The following KCNB2 variants were observed in gnomAD, a reference collection of about 807,000 sequenced individuals.
The protein encoded by KCNB2 is delayed rectifier potassium channel protein.
A neutral mutation model predicts 61.5 loss-of-function variants in KCNB2; 15 were observed. That is an observed-to-expected ratio of 0.24 (90% CI 0.16 to 0.38). KCNB2 has a LOEUF of 0.38. Ranked by LOEUF, KCNB2 falls within the 10% of genes least tolerant of loss-of-function variation. The pLI is 1.00. For missense variants in KCNB2, 828 were observed against 1,125.2 expected, an observed-to-expected ratio of 0.74 and a Z score of 3.78; for synonymous variants, 457 against 446.0, an observed-to-expected ratio of 1.02 and a Z score of -0.31.
intron 2 of KCNB2, among the ~76,000 whole-genome samples, chr8:72,724,058 C>T (rs1207416755): frequency 6.6e-6 from 1 of 152,150 alleles, no homozygotes; most frequent in Admixed American, 6.5e-5. Flanking sequence ...TTCCTTTATT[C>T]AGTTTCAGAG....
chr8:72,862,039 G>A (rs967201158), intron 2 of KCNB2, among the ~76,000 whole-genome samples: 5 of 152,120 alleles, frequency 3.3e-5, no homozygotes, highest in Admixed American at 1.3e-4. Context: ...AGGCATAGTG[G>A]TGCACAACTG....
chr8:72,783,739 C>G (rs564415788), intron 2 of KCNB2, among the ~76,000 whole-genome samples: 1 of 152,140 alleles, frequency 6.6e-6, no homozygotes, highest in Non-Finnish European at 1.5e-5. Context: ...TTGTTTCCTG[C>G]GTACACCAGG....
intron 2 of KCNB2, among the ~76,000 whole-genome samples, chr8:72,651,411 C>T (rs1806209093): frequency 6.6e-6 from 1 of 152,012 alleles, no homozygotes; most frequent in African/African-American, 2.4e-5. Context: ...TGTTGGATAA[C>T]AAAACAGTTG....
At chr8:72,788,798 C>T (rs774920431) in intron 2 of KCNB2, among the ~76,000 whole-genome samples, 26 of 152,066 alleles carry the variant, frequency 1.7e-4, no homozygotes, top group East Asian at 1.9e-4. Context: ...CACATTAAAT[C>T]TAATTATAGA....
At chr8:72,896,106 T>C (rs1016552473) in intron 2 of KCNB2, among the ~76,000 whole-genome samples, 2 of 152,190 alleles carry the variant, frequency 1.3e-5, no homozygotes, top group Non-Finnish European at 2.9e-5. Flanking sequence ...AGTTTTGTTT[T>C]GCTGAATGTT....
chr8:72,595,959 A>G lies in KCNB2; in HGVS notation c.579+27646A>G, dbSNP rs1310109638. Among the ~76,000 whole-genome samples, 3 of 152,148 alleles carry G rather than the reference A, an allele frequency of 2.0e-5. No homozygotes were observed. The East Asian group carries it at 5.8e-4, about 29-fold the overall frequency. ...TCACACAAAACCAAGACCTATCTGG[A>G]CTTTTCCAGAAAAAGCTTCCTGACT... On this transcript the variant is annotated intron_variant, in intron 2 of 2. Coordinates refer to ENST00000523207, the MANE Select transcript of KCNB2 (RefSeq NM_004770.3).
rs1488688648 is a variant in KCNB2, at chr8:72,839,505, C to T, written c.580-96430C>T. ...CACACACAAAATATGTTCAATAATT[C>T]CTACAGGTGCTATAGAATATGCATT... On this transcript the variant is annotated intron_variant, in intron 2 of 2. Coordinates refer to ENST00000523207, the MANE Select transcript of KCNB2 (RefSeq NM_004770.3). 2.6e-5 allele frequency among the ~76,000 whole-genome samples: 4 copies of T among 151,694 alleles called. No homozygotes were observed. In the South Asian group the frequency reaches 8.3e-4, roughly 32 times the overall value.
At chr8:72,797,550 T>C (rs1240036567) in intron 2 of KCNB2, among the ~76,000 whole-genome samples, 1 of 152,236 alleles carries the variant, frequency 6.6e-6, no homozygotes, top group Non-Finnish European at 1.5e-5. Flanking sequence ...TTTTTAACTT[T>C]ATCACTGAGA....
At chr8:72,628,219 G>T (rs1427183207) in intron 2 of KCNB2, among the ~76,000 whole-genome samples, 1 of 152,192 alleles carries the variant, frequency 6.6e-6, no homozygotes, top group Non-Finnish European at 1.5e-5. Context: ...CACCCAAAGT[G>T]CTGGGATTAC....
intron 2 of KCNB2, among the ~76,000 whole-genome samples, chr8:72,603,597 A>G (rs1805397070): frequency 6.6e-6 from 1 of 152,310 alleles, no homozygotes; most frequent in African/African-American, 2.4e-5. Flanking sequence ...AGAGTGGTCA[A>G]CAACACAGAC....
chr8:72,660,666 G>C (rs1384776999), intron 2 of KCNB2: 1 of 152,188 alleles, frequency 6.6e-6, no homozygotes, highest in Non-Finnish European at 1.5e-5. Flanking sequence ...ATGGGAAATA[G>C]CTGGCTTTGA....
chr8:72,789,476 G>T (rs3891630), intron 2 of KCNB2, among the ~76,000 whole-genome samples: 1 of 152,112 alleles, frequency 6.6e-6, no homozygotes, highest in Admixed American at 6.5e-5. Flanking sequence ...CATTACTGTT[G>T]AGCTGGCTGT....
At chr8:72,850,559 C>A (rs886585443) in intron 2 of KCNB2, among the ~76,000 whole-genome samples, 1 of 152,114 alleles carries the variant, frequency 6.6e-6, no homozygotes, top group Admixed American at 6.5e-5. Context: ...GCCTCTTTAC[C>A]CATGATAGCC....
intron 2 of KCNB2, among the ~76,000 whole-genome samples, chr8:72,707,859 C>T (rs773385060): frequency 1.3e-5 from 2 of 152,120 alleles, no homozygotes; most frequent in Non-Finnish European, 2.9e-5. Context: ...AACACATTCG[C>T]ATTAGGGTAA....
chr8:72,562,412 C>T (rs1259621457), intron 1 of KCNB2, among the ~76,000 whole-genome samples: 1 of 152,118 alleles, frequency 6.6e-6, no homozygotes, highest in Non-Finnish European at 1.5e-5. Flanking sequence ...TGCAGCCGTG[C>T]AAAACTCAAA....
chr8:72,733,946 G>A (rs191065845), intron 2 of KCNB2, among the ~76,000 whole-genome samples: 9 of 152,182 alleles, frequency 5.9e-5, no homozygotes, highest in Non-Finnish European at 1.3e-4. Context: ...GTGTGTGATC[G>A]GGCGTCTACT....
At chr8:72,544,288 A>G (rs1806229572) in intron 1 of KCNB2, among the ~76,000 whole-genome samples, 1 of 152,222 alleles carries the variant, frequency 6.6e-6, no homozygotes, top group Admixed American at 6.5e-5. Context: ...AGGCTGAAGA[A>G]GGTTGAGGAT....
intron 2 of KCNB2, among the ~76,000 whole-genome samples, chr8:72,605,485 G>T (rs1431883238): frequency 6.6e-6 from 1 of 152,126 alleles, no homozygotes; most frequent in Non-Finnish European, 1.5e-5. Flanking sequence ...GAGAAAAAGA[G>T]AATAGGATTT....
intron 2 of KCNB2, among the ~76,000 whole-genome samples, chr8:72,725,595 A>ATATATATATATGTATGTG (rs1563572069): frequency 2.0e-4 from 17 of 85,076 alleles, no homozygotes; most frequent in African/African-American, 8.9e-4. Flanking sequence ...ATGTATGTAT[A>ATATATATATATGTATGTG]TATATATATA....
Sources: gnomAD v4.1 joint callset for allele counts (sites outside exome capture counted in the v4.1 genomes callset) on GRCh38, gnomAD v4.1.1 for gene constraint, MANE v1.5 for transcripts, NCBI Gene and HGNC (gene_info 2026-07-23, HGNC 2026-07-21) for gene names.